ABCG1: variants seen among roughly 807,000 people sequenced by gnomAD.
The protein encoded by ABCG1 is ATP binding cassette subfamily G member 1, also known as ATP-binding cassette sub-family G member 1.
Under a neutral mutation model 69.2 loss-of-function variants are expected in ABCG1, and 29 were observed. That is an observed-to-expected ratio of 0.42 (90% CI 0.31 to 0.57). ABCG1 has a LOEUF of 0.57. Ranked by LOEUF, ABCG1 falls within the 20% of genes least tolerant of loss-of-function variation. The probability of loss-of-function intolerance (pLI) is 0.15; values close to 1 mark genes in which losing one functional copy is unlikely to be tolerated. For missense variants in ABCG1, 718 were observed against 898.1 expected, an observed-to-expected ratio of 0.80 and a Z score of 2.56; for synonymous variants, 370 against 374.8, an observed-to-expected ratio of 0.99 and a Z score of 0.15.
rs552426635 is a variant in ABCG1, at chr21:42,257,695, T to A, written c.287-13375T>A. Among the ~76,000 whole-genome samples, 6 of 152,302 alleles carry A rather than the reference T, an allele frequency of 3.9e-5. No individual in the cohort carries two copies. The East Asian group carries it at 9.7e-4, about 25-fold the overall frequency. ...CCAGAAATCAGAATGTGTTGAAATG[T>A]GTGGCAAAGAAGAATGTCATACTTG... On this transcript the variant is annotated intron_variant, in intron 2 of 14. Transcript: ENST00000398449.
At chr21:42,270,259 CAAAAA>C (rs4006345) in intron 2 of ABCG1, among the ~76,000 whole-genome samples, 2 of 87,184 alleles carry the variant, frequency 2.3e-5, no homozygotes, top group African/African-American at 9.5e-5. Context: ...GACTCAGTCT[CAAAAA>C]AAAAAAAAAA....
intron 2 of ABCG1, among the ~76,000 whole-genome samples, chr21:42,236,842 C>T (rs187798374): frequency 2.0e-4 from 30 of 152,344 alleles, no homozygotes; most frequent in African/African-American, 7.2e-4. Context: ...GTGTCACTAA[C>T]ATGAGAATGT....
At chr21:42,228,390 T>A (rs2067851286) in intron 2 of ABCG1, among the ~76,000 whole-genome samples, 1 of 152,088 alleles carries the variant, frequency 6.6e-6, no homozygotes, top group Admixed American at 6.5e-5. Context: ...CCCACTGCCC[T>A]CCCCAGCCAC....
chr21:42,288,925 G>A lies in ABCG1; in HGVS notation c.1224+613G>A, dbSNP rs556112343. Reference sequence around the variant, plus strand: ...TTCAATCATGGTGGAAGGCAAAGTGGGATGGAGCGCTACACACTTTTAAAC... The same window carrying A: ...TTCAATCATGGTGGAAGGCAAAGTGAGATGGAGCGCTACACACTTTTAAAC... On this transcript the variant is annotated intron_variant, in intron 10 of 14. Transcript: ENST00000398449. This position sits in a 1 kb window ranked among gnomAD's most constrained non-coding sequence, Gnocchi z 4.8. Among the ~76,000 whole-genome samples, 1 of 152,116 alleles carries A rather than the reference G, an allele frequency of 6.6e-6. No individual in the cohort carries two copies. Among genetic ancestry groups the A allele is most frequent in the South Asian group, 2.1e-4 (1 of 4,828 alleles).
intron 2 of ABCG1, among the ~76,000 whole-genome samples, chr21:42,235,007 C>G (rs981113432): frequency 2.6e-5 from 4 of 152,238 alleles, no homozygotes; most frequent in African/African-American, 4.8e-5. Context: ...GCTGCAGCCC[C>G]GAGCGGGGTC....
At chr21:42,265,405 TG>T (rs1468702834) in intron 2 of ABCG1, among the ~76,000 whole-genome samples, 1 of 152,092 alleles carries the variant, frequency 6.6e-6, no homozygotes, top group Non-Finnish European at 1.5e-5. Flanking sequence ...TGAAGTAGGG[TG>T]GGCCCCTGAT....
chr21:42,246,270 A>C (rs991324042), intron 2 of ABCG1, among the ~76,000 whole-genome samples: 2 of 152,256 alleles, frequency 1.3e-5, no homozygotes, highest in Non-Finnish European at 2.9e-5. Context: ...TCTCAAGAGG[A>C]ATGATAGTTG....
In ABCG1 at chr21:42,219,967, C is replaced by T; in HGVS notation, c.42+663C>T. 3 of 1,552,158 alleles carry T rather than the reference C, an allele frequency of 1.9e-6. No homozygotes were observed. The highest frequency in any genetic ancestry group is 2.6e-6 in the Non-Finnish European group (3 of 1,147,242). Reference sequence around the variant, plus strand: ...GCCGGAGAGAGAGACGCGGTGGGGACAGGGATGCGCATTTCACTTCCCCGA... The same window carrying T: ...GCCGGAGAGAGAGACGCGGTGGGGATAGGGATGCGCATTTCACTTCCCCGA... On this transcript the variant is annotated intron_variant, in intron 1 of 14. Coordinates refer to ENST00000398449, the MANE Select transcript of ABCG1 (RefSeq NM_016818.3). The surrounding 1 kb of genome is among the most constrained non-coding windows in gnomAD (Gnocchi z 5.3).
chr21:42,218,899 C>T (rs72542412), upstream of ABCG1, among the ~76,000 whole-genome samples: 339 of 152,328 alleles, frequency 2.2e-3, no homozygotes, highest in Middle Eastern at 0.014. Flanking sequence ...GCTGGCCCAG[C>T]CCCCGCGAGT....
rs1262535533 is a variant in ABCG1 at position 42,273,260 on chromosome 21, G to C, written c.405-43G>C. 1.3e-6 allele frequency: 2 copies of C among 1,585,230 alleles called. No individual in the cohort carries two copies. The highest frequency in any genetic ancestry group is 1.7e-6 in the Non-Finnish European group (2 of 1,164,716). On this transcript the variant is annotated intron_variant, in intron 3 of 14. Coordinates refer to ENST00000398449, the MANE Select transcript of ABCG1 (RefSeq NM_016818.3). The surrounding 1 kb of genome is among the most constrained non-coding windows in gnomAD (Gnocchi z 5.3). Reference sequence around the variant, plus strand: ...TCCTGCCCCGGGAGGTGGAGGAGGAGCAGGAGCCCGGCTGACGGCTTCTCC... The same window carrying C: ...TCCTGCCCCGGGAGGTGGAGGAGGACCAGGAGCCCGGCTGACGGCTTCTCC...
upstream of ABCG1, among the ~76,000 whole-genome samples, chr21:42,211,286 C>A (rs1358735897): frequency 2.6e-5 from 4 of 152,078 alleles, no homozygotes; most frequent in Non-Finnish European, 5.9e-5. Context: ...TCAAATGAAC[C>A]AACACACAGA....
chr21:42,230,980 C>T (rs757615396), intron 2 of ABCG1, among the ~76,000 whole-genome samples: 1 of 152,204 alleles, frequency 6.6e-6, no homozygotes, highest in Non-Finnish European at 1.5e-5. Flanking sequence ...CTGACGTGGG[C>T]ACAGGACTGG....
chr21:42,260,150 G>A, intron 2 of ABCG1: 2 of 1,550,650 alleles, frequency 1.3e-6, no homozygotes, highest in Non-Finnish European at 1.7e-6. Context: ...GTGAGGATGA[G>A]TTGTGTTGCT....
intron 2 of ABCG1, chr21:42,259,898 G>A: frequency 6.9e-7 from 1 of 1,449,968 alleles, no homozygotes; most frequent in Non-Finnish European, 9.1e-7. Flanking sequence ...GAGAAAGAAG[G>A]CCCCCAGGCT....
upstream of ABCG1, chr21:42,216,118 G>T (rs755690706): frequency 3.8e-5 from 17 of 450,848 alleles, no homozygotes; most frequent in Non-Finnish European, 3.1e-5. Context: ...TCTCTCTCTT[G>T]TCTGCCGCCA....
In ABCG1 at chr21:42,230,319, C is replaced by T. The variant is rs1389111579; in HGVS notation, c.286+4405C>T. Among the ~76,000 whole-genome samples the T allele has an allele frequency of 2.6e-5, 4 of 152,324 alleles. 1 individual carries two copies. In the East Asian group the frequency reaches 7.7e-4, roughly 29 times the overall value. ...GAACTATTCTCAGGAGAGAGGAGTACACCCCAAGGATAATTTCCCCGGCCT... is the reference window on the plus strand; with the variant it reads ...GAACTATTCTCAGGAGAGAGGAGTATACCCCAAGGATAATTTCCCCGGCCT... On this transcript the variant is annotated intron_variant, in intron 2 of 14. Coordinates refer to ENST00000398449, the MANE Select transcript of ABCG1 (RefSeq NM_016818.3).
At position 42,276,819 on chromosome 21, in the gene ABCG1, T is replaced by C. The variant is rs1422256698; in HGVS notation, c.538-76T>C. ...CATCTTGGCTAGCTGCACCGTGGCC[T>C]GCAGTGCGGGCATGAGGCTCACACT... On this transcript the variant is annotated intron_variant, in intron 4 of 14. Transcript: ENST00000398449. The surrounding 1 kb of genome is among the most constrained non-coding windows in gnomAD (Gnocchi z 5.3). The C allele has an allele frequency of 1.4e-5, 20 of 1,478,068 alleles. No individual in the cohort carries two copies. Among genetic ancestry groups the C allele is most frequent in the Non-Finnish European group, 1.7e-5 (18 of 1,060,224 alleles). 91.6% of individuals were successfully genotyped at this position (1,478,068 alleles called of 1,614,324 possible).
chr21:42,206,274 C>T (rs190154718), intron 2 of ABCG1, among the ~76,000 whole-genome samples: 171 of 152,052 alleles, frequency 1.1e-3, no homozygotes, highest in African/African-American at 3.8e-3. Context: ...CACTTGAGCC[C>T]GGGAGGTGGA....
intron 2 of ABCG1, among the ~76,000 whole-genome samples, chr21:42,249,914 A>C (rs1402725609): frequency 6.6e-6 from 1 of 151,954 alleles, no homozygotes; most frequent in Non-Finnish European, 1.5e-5. Flanking sequence ...CTGAGGCAGG[A>C]GAATCACTTG....
Sources: allele counts gnomAD v4.1 joint callset (sites outside exome capture counted in the v4.1 genomes callset), GRCh38; gene constraint gnomAD v4.1.1; non-coding constraint Gnocchi (gnomAD v3.1); transcripts MANE v1.5; gene names NCBI Gene and HGNC (gene_info 2026-07-23, HGNC 2026-07-21).